The following TRAPPC9 variants were observed in gnomAD, a reference collection of about 807,000 sequenced individuals.
TRAPPC9 encodes the protein trafficking protein particle complex subunit 9.
A neutral mutation model predicts 124.0 loss-of-function variants in TRAPPC9; 83 were observed. That is an observed-to-expected ratio of 0.67 (90% CI 0.56 to 0.80). The LOEUF (loss-of-function observed/expected upper bound fraction) is 0.80, where lower values mean the gene tolerates loss of function less well. TRAPPC9 is among the 30% of genes least tolerant of loss of function. The pLI is 0.00. For missense variants in TRAPPC9, 1,302 were observed against 1,508.3 expected (o/e 0.86, Z 2.27); for synonymous variants, 638 against 617.5 (o/e 1.03, Z -0.49).
At position 140,252,187 on chromosome 8, in the gene TRAPPC9, G is replaced by T. The variant is rs969268881; in HGVS notation, c.2431+590C>A. ...ATTACAGGCATGCGCCACCATGCCC[G>T]ACGAATTTTTGTATTGTTAATAGAG... On this transcript the variant is annotated intron_variant, in intron 16 of 22. Coordinates refer to ENST00000438773, the MANE Select transcript of TRAPPC9 (RefSeq NM_001160372.4). This position sits in a 1 kb window ranked among gnomAD's most constrained non-coding sequence, Gnocchi z 4.2. Among the ~76,000 whole-genome samples, 2 of 152,098 alleles carry T rather than the reference G, an allele frequency of 1.3e-5. No homozygotes were observed. Among genetic ancestry groups the T allele is most frequent in the South Asian group, 4.2e-4 (2 of 4,810 alleles).
intron 7 of TRAPPC9, among the ~76,000 whole-genome samples, chr8:140,379,326 C>T (rs2068536371): frequency 6.6e-6 from 1 of 152,190 alleles, no homozygotes; most frequent in Non-Finnish European, 1.5e-5. Context: ...CCTTCCCATC[C>T]TCTTCCATGC....
chr8:140,001,383 TATAATAATA>T (rs35540594), intron 18 of TRAPPC9, among the ~76,000 whole-genome samples: 1 of 150,560 alleles, frequency 6.6e-6, no homozygotes, highest in African/African-American at 2.4e-5. Context: ...GAACTTAAAG[TATAATAATA>T]ATAATAATAA....
At chr8:139,793,265 C>G (rs1417530931) in intron 21 of TRAPPC9, among the ~76,000 whole-genome samples, 1 of 152,188 alleles carries the variant, frequency 6.6e-6, no homozygotes, top group African/African-American at 2.4e-5. Flanking sequence ...AACCAGACTC[C>G]TTTCCCTGTG....
Position 140,311,346 on chromosome 8 carries a change from C to T in TRAPPC9, c.1524G>A (p.Glu508=). The T allele has an allele frequency of 1.9e-6, 3 of 1,613,992 alleles. No individual in the cohort carries two copies. Among genetic ancestry groups the T allele is most frequent in the Non-Finnish European group, 2.5e-6 (3 of 1,180,018 alleles). The change falls in exon 10 of 23, where the codon GAG becomes GAA. Residue 508 remains glutamate (E), a synonymous_variant. Coordinates refer to ENST00000438773, the MANE Select transcript of TRAPPC9 (RefSeq NM_001160372.4). The part of the protein sequence containing the change: ...QEKKDVAQSL[E]NYTSKCPGTM... ...TCCCAGGACACTTGGACGTATAGTT[C>T]TCTAGGCTTTGGGCCACATCTTTCT...
intron 21 of TRAPPC9, among the ~76,000 whole-genome samples, chr8:139,865,300 C>T (rs906598615): frequency 3.3e-5 from 5 of 152,246 alleles, no homozygotes; most frequent in Non-Finnish European, 7.3e-5. Context: ...ACTTTCTCCT[C>T]AACACGCCTG....
chr8:139,749,270 C>A (rs904371794), intron 21 of TRAPPC9, among the ~76,000 whole-genome samples: 1 of 152,138 alleles, frequency 6.6e-6, no homozygotes, highest in Non-Finnish European at 1.5e-5. Flanking sequence ...ATGGCCCACA[C>A]GGGAATCTGC....
intron 17 of TRAPPC9, among the ~76,000 whole-genome samples, chr8:140,125,368 A>C (rs889387412): frequency 6.6e-6 from 1 of 152,198 alleles, no homozygotes; most frequent in African/African-American, 2.4e-5. Context: ...ACGAGAACCT[A>C]GTCACTGACA....
At chr8:139,955,131 T>C (rs1467319928) in intron 19 of TRAPPC9, among the ~76,000 whole-genome samples, 1 of 152,136 alleles carries the variant, frequency 6.6e-6, no homozygotes, top group East Asian at 1.9e-4. Flanking sequence ...TTTTTTCTTG[T>C]GAAAGGGGTC....
At chr8:139,745,403 G>C (rs1183635419) in intron 21 of TRAPPC9, among the ~76,000 whole-genome samples, 1 of 152,264 alleles carries the variant, frequency 6.6e-6, no homozygotes, top group Non-Finnish European at 1.5e-5. Flanking sequence ...GAACAGAGGG[G>C]TGTGAATCAC....
chr8:140,205,390 T>C (rs747362016), intron 17 of TRAPPC9, among the ~76,000 whole-genome samples: 6 of 152,242 alleles, frequency 3.9e-5, no homozygotes, highest in Non-Finnish European at 8.8e-5. Flanking sequence ...TGTAGAAAGA[T>C]TGGAAACATT....
chr8:140,219,976 C>T (rs1396023687), intron 17 of TRAPPC9, among the ~76,000 whole-genome samples: 1 of 152,200 alleles, frequency 6.6e-6, no homozygotes, highest in Non-Finnish European at 1.5e-5. Flanking sequence ...TCAGCACAAC[C>T]TCTAATCAGA....
At chr8:139,964,850 G>A (rs2941574) in intron 19 of TRAPPC9, among the ~76,000 whole-genome samples, 56,451 of 152,062 alleles carry the variant, frequency 0.37, 11,820 homozygotes, top group Non-Finnish European at 0.47. Flanking sequence ...AGACCCCAGT[G>A]CTGCTCATAC....
At chr8:140,404,808 ATGTG>A (rs981935868) in intron 6 of TRAPPC9, among the ~76,000 whole-genome samples, 40 of 150,558 alleles carry the variant, frequency 2.7e-4, no homozygotes, top group Non-Finnish European at 3.7e-4. Context: ...GTGTGTGAAC[ATGTG>A]TGTATGTGCA....
rs1489634479 is a variant in TRAPPC9, at chr8:139,731,978, C to T, written c.3279+1G>A. ...AGACCGCCTTGCACACCACCACGCA[C>T]CGCGTCGAGGTAGAAGGTGCTGGAG... On this transcript the variant is annotated splice_donor_variant, in intron 22 of 22. Coordinates refer to ENST00000438773, the MANE Select transcript of TRAPPC9 (RefSeq NM_001160372.4). LOFTEE classifies it high-confidence loss of function. 1.3e-6 allele frequency: 2 copies of T among 1,572,486 alleles called. No homozygotes were observed. The highest frequency in any genetic ancestry group is 8.6e-7 in the Non-Finnish European group (1 of 1,158,286).
chr8:140,025,565 C>A (rs958935794), intron 17 of TRAPPC9, among the ~76,000 whole-genome samples: 78 of 123,746 alleles, frequency 6.3e-4, no homozygotes, highest in African/African-American at 1.1e-3. Flanking sequence ...AAGCAAAATG[C>A]AAAAAAAAAA....
chr8:139,886,291 T>C (rs1198003749), intron 20 of TRAPPC9, among the ~76,000 whole-genome samples: 1 of 152,236 alleles, frequency 6.6e-6, no homozygotes, highest in African/African-American at 2.4e-5. Context: ...TGGAAGGTTA[T>C]TTTTCCTTAA....
chr8:140,094,867 G>T (rs1422686808), intron 17 of TRAPPC9: 2 of 152,230 alleles, frequency 1.3e-5, no homozygotes, highest in South Asian at 4.1e-4. Context: ...GACTGGCTTT[G>T]TATCAAGAGC....
At position 139,960,828 on chromosome 8, in the gene TRAPPC9, G is replaced by C. The variant is rs1754997462; in HGVS notation, c.2810+27898C>G. 1.6e-5 allele frequency among the ~76,000 whole-genome samples: 2 copies of C among 125,124 alleles called. 1 individual carries two copies. Among genetic ancestry groups the C allele is most frequent in the Non-Finnish European group, 3.8e-5 (2 of 52,324 alleles). 82.1% of individuals were successfully genotyped at this position (125,124 alleles called of 152,430 possible). On this transcript the variant is annotated intron_variant, in intron 19 of 22. Coordinates refer to ENST00000438773, the MANE Select transcript of TRAPPC9 (RefSeq NM_001160372.4). ...CTGCCACTGCAGCTGGTGGGGCTCAGCTTGCATGGGGGCTCCACAGCAAGT... is the reference window on the plus strand; with the variant it reads ...CTGCCACTGCAGCTGGTGGGGCTCACCTTGCATGGGGGCTCCACAGCAAGT...
intron 21 of TRAPPC9, among the ~76,000 whole-genome samples, chr8:139,871,304 CTTA>C (rs1177961926): frequency 1.3e-5 from 2 of 152,158 alleles, no homozygotes; most frequent in African/African-American, 4.8e-5. Context: ...TAGCTCTTGG[CTTA>C]TTAGGATTAA....
Sources: gnomAD v4.1 joint callset for allele counts (sites outside exome capture counted in the v4.1 genomes callset) on GRCh38, gnomAD v4.1.1 for gene constraint, Gnocchi (gnomAD v3.1) non-coding constraint, MANE v1.5 for transcripts, NCBI Gene and HGNC (gene_info 2026-07-23, HGNC 2026-07-21) for gene names.